Variants in NRG3 observed in about 807,000 individuals in gnomAD.
The protein encoded by NRG3 is neuregulin 3.
In NRG3, 31 loss-of-function variants were observed where a neutral mutation model predicts 66.9. The observed-to-expected ratio is 0.46, with a 90% CI of 0.35 to 0.63. The LOEUF is 0.63. Among genes scored for constraint, NRG3 ranks in the 20% least tolerant of loss-of-function variants. The probability of loss-of-function intolerance (pLI) is 0.00; values close to 1 mark genes in which losing one functional copy is unlikely to be tolerated. For missense variants in NRG3, 910 were observed against 878.9 expected (o/e 1.04, Z -0.45); for synonymous variants, 393 against 359.4 (o/e 1.09, Z -1.06).
intron 2 of NRG3, among the ~76,000 whole-genome samples, chr10:82,486,826 A>C (rs1842720714): frequency 6.6e-6 from 1 of 152,122 alleles, no homozygotes; most frequent in African/African-American, 2.4e-5. Context: ...CCAGTCACAG[A>C]AGGACAAATG....
intron 1 of NRG3, among the ~76,000 whole-genome samples, chr10:82,043,077 C>T (rs927150784): frequency 1.3e-5 from 2 of 151,934 alleles, no homozygotes; most frequent in African/African-American, 4.8e-5. Flanking sequence ...TGTCACTGGT[C>T]CCTGGGAAAT....
At chr10:82,440,424 C>A (rs1263792244) in intron 2 of NRG3, among the ~76,000 whole-genome samples, 1 of 126,572 alleles carries the variant, frequency 7.9e-6, no homozygotes, top group African/African-American at 3.1e-5. Flanking sequence ...TACTTTTGGG[C>A]TTTTTGCTTC....
At chr10:81,928,143 A>G (rs1846989489) in intron 1 of NRG3, among the ~76,000 whole-genome samples, 1 of 152,210 alleles carries the variant, frequency 6.6e-6, no homozygotes, top group African/African-American at 2.4e-5. Context: ...TCACTTAACC[A>G]CTTTGTGAAA....
intron 2 of NRG3, among the ~76,000 whole-genome samples, chr10:82,477,920 T>G (rs1590271823): frequency 6.6e-6 from 1 of 152,112 alleles, no homozygotes; most frequent in Non-Finnish European, 1.5e-5. Flanking sequence ...GAAACTATGG[T>G]GAGGCCAAGT....
At chr10:82,413,752 T>C (rs1411875340) in intron 2 of NRG3, among the ~76,000 whole-genome samples, 2 of 152,188 alleles carry the variant, frequency 1.3e-5, no homozygotes, top group Non-Finnish European at 2.9e-5. Flanking sequence ...TCCTTCTACA[T>C]CAACATTTGC....
chr10:82,876,743 G>T (rs116530872), intron 4 of NRG3, among the ~76,000 whole-genome samples: 4 of 152,114 alleles, frequency 2.6e-5, no homozygotes, highest in Admixed American at 2.6e-4. Flanking sequence ...CTCAGAGAGA[G>T]CCAGGCATGG....
At chr10:81,888,993 C>T (rs185315979) in intron 1 of NRG3, among the ~76,000 whole-genome samples, 3 of 152,216 alleles carry the variant, frequency 2.0e-5, no homozygotes, top group Middle Eastern at 3.4e-3. Flanking sequence ...CTCTTCAAAG[C>T]GCTGCAAGAA....
At chr10:82,497,159 A>G (rs898548910) in intron 2 of NRG3, among the ~76,000 whole-genome samples, 2 of 152,214 alleles carry the variant, frequency 1.3e-5, no homozygotes, top group African/African-American at 4.8e-5. Context: ...ATGAAATGCA[A>G]GTTGGCTCTC....
chr10:82,835,134 G>A (rs1336730093), intron 3 of NRG3, among the ~76,000 whole-genome samples: 1 of 152,104 alleles, frequency 6.6e-6, no homozygotes, highest in Non-Finnish European at 1.5e-5. Flanking sequence ...AGTCACAGTT[G>A]GAAATGACAT....
chr10:82,944,778 T>C (rs1373149667), intron 4 of NRG3, among the ~76,000 whole-genome samples: 2 of 152,250 alleles, frequency 1.3e-5, no homozygotes, highest in East Asian at 1.9e-4. Flanking sequence ...AGAGAGAAAA[T>C]GTTCGAAAAC....
chr10:81,998,129 G>A (rs970365491), intron 1 of NRG3, among the ~76,000 whole-genome samples: 8 of 152,132 alleles, frequency 5.3e-5, no homozygotes, highest in Admixed American at 5.2e-4. Flanking sequence ...CTTGACAGTT[G>A]CAAGGATATT....
intron 1 of NRG3, among the ~76,000 whole-genome samples, chr10:82,314,380 G>A (rs912880216): frequency 1.3e-5 from 2 of 152,038 alleles, no homozygotes; most frequent in Non-Finnish European, 2.9e-5. Flanking sequence ...ATTGCCAGAT[G>A]TCAGGTTTTA....
intron 1 of NRG3, among the ~76,000 whole-genome samples, chr10:81,941,306 C>T (rs538483090): frequency 1.6e-4 from 24 of 151,906 alleles, no homozygotes; most frequent in Non-Finnish European, 2.6e-4. Context: ...AATCACTTCT[C>T]CATCACCTAA....
intron 1 of NRG3, among the ~76,000 whole-genome samples, chr10:82,063,559 C>T (rs561657984): frequency 1.4e-5 from 2 of 146,738 alleles, no homozygotes; most frequent in Admixed American, 6.8e-5. Context: ...GATAGTCAAT[C>T]GGTGCCCTTA....
intron 2 of NRG3, among the ~76,000 whole-genome samples, chr10:82,435,022 C>T (rs2090047200): frequency 6.6e-6 from 1 of 152,094 alleles, no homozygotes; most frequent in Admixed American, 6.5e-5. Flanking sequence ...AGTAATGGTA[C>T]CAGCTCCTCT....
intron 2 of NRG3, among the ~76,000 whole-genome samples, chr10:82,675,667 C>T (rs2053632980): frequency 6.6e-6 from 1 of 152,138 alleles, no homozygotes; most frequent in African/African-American, 2.4e-5. Flanking sequence ...AGGCTGTTAT[C>T]ATTTAACCTA....
chr10:82,399,731 A>G (rs2086954172), intron 2 of NRG3, among the ~76,000 whole-genome samples: 1 of 152,206 alleles, frequency 6.6e-6, no homozygotes, highest in East Asian at 1.9e-4. Flanking sequence ...GAGTTTCAAC[A>G]TATTAATTTT....
intron 4 of NRG3, among the ~76,000 whole-genome samples, chr10:82,942,934 A>G (rs776521599): frequency 1.3e-5 from 2 of 152,154 alleles, no homozygotes; most frequent in African/African-American, 4.8e-5. Context: ...TGAGAAATAT[A>G]GTTACCAAGA....
At chr10:82,319,236 C>T (rs11193681) in intron 1 of NRG3, among the ~76,000 whole-genome samples, 23,327 of 152,266 alleles carry the variant, frequency 0.15, 1,932 homozygotes, top group East Asian at 0.26. Flanking sequence ...CCCTTGGTTA[C>T]ATCTTCCCAT....
Sources: allele counts gnomAD v4.1 joint callset (sites outside exome capture counted in the v4.1 genomes callset), GRCh38; gene constraint gnomAD v4.1.1; transcripts MANE v1.5; gene names NCBI Gene and HGNC (gene_info 2026-07-23, HGNC 2026-07-21).